Variants in FGF23 observed in about 807,000 individuals in gnomAD.
The protein encoded by FGF23 is fibroblast growth factor 23, also known as phosphatonin.
Under a neutral mutation model 9.0 loss-of-function variants are expected in FGF23, and 8 were observed. The observed-to-expected ratio is 0.89, with a 90% CI of 0.52 to 1.60. The LOEUF is 1.60. FGF23 is among the 40% of genes most tolerant of loss of function. The probability of loss-of-function intolerance (pLI) is 0.00; values close to 1 mark genes in which losing one functional copy is unlikely to be tolerated. For missense variants in FGF23, 311 were observed against 344.3 expected (o/e 0.90, Z 0.77); for synonymous variants, 118 against 146.2 (o/e 0.81, Z 1.39).
In FGF23 at chr12:4,368,333, A is replaced by G. The variant is rs2120725140; in HGVS notation, c.*2010T>C. 5.6e-6 allele frequency: 1 copy of G among 178,656 alleles called. No homozygotes were observed. The highest frequency in any genetic ancestry group is 9.4e-5 in the East Asian group (1 of 10,616). The allele number at this position is 178,656 out of a possible 1,614,324, so 11.1% of individuals were successfully genotyped here. On this transcript the variant is annotated 3_prime_UTR_variant, in exon 3 of 3. Transcript: ENST00000237837. Reference sequence around the variant, plus strand: ...AATCTTTGAAAATTTTAAAATTCTAAAATCTTTTTTTCAATTTTGCCTTCT... The same window carrying G: ...AATCTTTGAAAATTTTAAAATTCTAGAATCTTTTTTTCAATTTTGCCTTCT...
Position 4,370,508 on chromosome 12 carries a change from G to T in FGF23, c.591C>A (p.Ala197=). The T allele has an allele frequency of 6.2e-7, 1 of 1,611,702 alleles. No homozygotes were observed. Among genetic ancestry groups the T allele is most frequent in the Non-Finnish European group, 8.5e-7 (1 of 1,178,326 alleles). ...AGGAGGCCGGGGCCGGGGTCATCCG[G>T]GCCCGGGGCTTCAGCACGTTCAGGG... ...RDPLNVLKPR[A]RMTPAPASCS... is the part of the protein sequence containing the mutation. The change falls in exon 3 of 3, where the codon GCC becomes GCA. Residue 197 remains alanine (A), a synonymous_variant. Coordinates refer to ENST00000237837, the MANE Select transcript of FGF23 (RefSeq NM_020638.3).
At position 4,368,571 on chromosome 12, in the gene FGF23, C is replaced by T. The variant is rs13312800; in HGVS notation, c.*1772G>A. On this transcript the variant is annotated 3_prime_UTR_variant, in exon 3 of 3. Transcript: ENST00000237837. ...CTTCCAAATAAATAAATAAATACTG[C>T]CACATGACGAGGGATATAAGAAATT... The T allele has an allele frequency of 3.2e-3, 606 of 190,838 alleles. 1 individual carries two copies. Among genetic ancestry groups the T allele is most frequent in the Middle Eastern group, 5.6e-3 (3 of 536 alleles). The allele number at this position is 190,838 out of a possible 1,614,324, so 11.8% of individuals were successfully genotyped here.
In FGF23 at chr12:4,370,530, A is replaced by AG. The variant is rs1281792205; in HGVS notation, c.568dup (p.Leu190ProfsTer33). 6.2e-7 allele frequency: 1 copy of AG among 1,612,628 alleles called. No homozygotes were observed. The highest frequency in any genetic ancestry group is 8.5e-7 in the Non-Finnish European group (1 of 1,179,084). The stretch of plus-strand genomic sequence containing the variant: ...CCGGGCCCGGGGCTTCAGCACGTTC[A>AG]GGGGGTCCCGCTCCGAGTCGTCCTC... On this transcript the variant is annotated frameshift_variant, in exon 3 of 3. Coordinates refer to ENST00000237837, the MANE Select transcript of FGF23 (RefSeq NM_020638.3). LOFTEE classifies it low-confidence loss of function (END_TRUNC).
chr12:4,369,811 C>T lies in FGF23; in HGVS notation c.*532G>A, dbSNP rs1473118116. On this transcript the variant is annotated 3_prime_UTR_variant, in exon 3 of 3. Coordinates refer to ENST00000237837, the MANE Select transcript of FGF23 (RefSeq NM_020638.3). ...GAAGGCTTGAAAGTAGTGTTTTCAT[C>T]AACTTGCCCCATTCAGCTGTTAATG... is the stretch of plus-strand genomic sequence containing the variant. 1.3e-5 allele frequency: 3 copies of T among 230,306 alleles called. No individual in the cohort carries two copies. The highest frequency in any genetic ancestry group is 2.2e-5 in the African/African-American group (1 of 45,116). 14.3% of individuals were successfully genotyped at this position (230,306 alleles called of 1,614,324 possible).
chr12:4,379,213 A>G (rs910486135), intron 1 of FGF23, among the ~76,000 whole-genome samples, 159 bp downstream of exon 1: 19 of 151,028 alleles, frequency 1.3e-4, no homozygotes, highest in Non-Finnish European at 1.5e-5. Flanking sequence ...ACACACACAC[A>G]CACACAAACA....
Position 4,379,525 on chromosome 12 carries a change from T to C in FGF23, c.58A>G (p.Ser20Gly), listed in dbSNP as rs1865155595. Residue 20 changes from serine to glycine, a missense_variant, in exon 1 of 3, where the codon AGC (serine) becomes GGC (glycine). By Grantham distance (56) the Ser-to-Gly change is moderately conservative (BLOSUM62 0). This residue lies in a region of FGF23 where 102 missense variants were observed against 108.2 expected (regional missense o/e 0.94). Coordinates refer to ENST00000237837, the MANE Select transcript of FGF23 (RefSeq NM_020638.3). ...GCATTGGGATAGGCTCTGAGGACGC[T>C]CATGCTGCAGACGCTGCACAAGGCA... Reference protein sequence around the residue: ...VCALCSVCSMSVLRAYPNASP... With the variant: ...VCALCSVCSMGVLRAYPNASP... 6.2e-7 allele frequency: 1 copy of C among 1,612,464 alleles called. No homozygotes were observed. The highest frequency in any genetic ancestry group is 8.5e-7 in the Non-Finnish European group (1 of 1,179,994).
intron 1 of FGF23, among the ~76,000 whole-genome samples, chr12:4,374,036 T>C (rs937737116): frequency 2.6e-5 from 4 of 152,056 alleles, no homozygotes; most frequent in Admixed American, 1.3e-4. Context: ...ACAAGGACCT[T>C]TGAGGAAAAT....
At chr12:4,374,366 T>A (rs1865094902) in intron 1 of FGF23, among the ~76,000 whole-genome samples, 1 of 152,094 alleles carries the variant, frequency 6.6e-6, no homozygotes, top group Non-Finnish European at 1.5e-5. Context: ...AGAAATGGTT[T>A]CGACTGGGTG....
rs1865138921 is a variant in FGF23 at position 4,378,174 on chromosome 12, T to G, written c.211+1198A>C. On this transcript the variant is annotated intron_variant, in intron 1 of 2. Transcript: ENST00000237837. The stretch of plus-strand genomic sequence containing the variant: ...ATGTTATATATCTTGCAACTTAATT[T>G]TGCATGTTGTATATCTTGCAACCAG... Among the ~76,000 whole-genome samples, 7 of 152,190 alleles carry G rather than the reference T, an allele frequency of 4.6e-5. No individual in the cohort carries two copies. The South Asian group carries it at 1.4e-3, about 32-fold the overall frequency.
At chr12:4,377,420 G>GTTTTTT (rs1865128517) in intron 1 of FGF23, among the ~76,000 whole-genome samples, 1 of 96,874 alleles carries the variant, frequency 1.0e-5, no homozygotes. Context: ...ATCACATATA[G>GTTTTTT]TCTTTTTTTT....
rs942543525 is a variant in FGF23 at position 4,368,410 on chromosome 12, G to A, written c.*1933C>T. 1.9e-4 allele frequency: 34 copies of A among 180,790 alleles called. No homozygotes were observed. The highest frequency in any genetic ancestry group is 1.3e-3 in the Admixed American group (20 of 15,894). The allele number at this position is 180,790 out of a possible 1,614,324, so 11.2% of individuals were successfully genotyped here. A position where few individuals can be genotyped will look rare whatever the true frequency, so the allele number is the denominator to read the frequency against. On this transcript the variant is annotated 3_prime_UTR_variant, in exon 3 of 3. Transcript: ENST00000237837. ...ATAATCCTTTTTATTCTTATATTCC[G>A]ACATGCTTTTAAGTAGTACTACAAA...
chr12:4,376,283 ACCCAAAGATGGGTTGTGCACT>A (rs1417603991), intron 1 of FGF23, among the ~76,000 whole-genome samples: 2 of 152,122 alleles, frequency 1.3e-5, no homozygotes, highest in African/African-American at 4.8e-5. Flanking sequence ...AAGTCCAGTG[ACCCAAAGATGGGTTGTGCACT>A]CAACTCTTAA....
rs533026808 is a variant in FGF23 at position 4,370,494 on chromosome 12, G to T, written c.605C>A (p.Ala202Asp). Residue 202 changes from alanine (A) to aspartate (D), a missense_variant, in exon 3 of 3, where the codon GCC becomes GAC. By Grantham distance (126) the Ala-to-Asp change is moderately radical. Around this residue, in one of 3 missense-constraint regions of FGF23, gnomAD observed 206 missense variants for 219.2 expected, o/e 0.94. Transcript: ENST00000237837. ...VLKPRARMTP[A>D]PASCSQELPS... ...GAGCTCCTGTGAACAGGAGGCCGGG[G>T]CCGGGGTCATCCGGGCCCGGGGCTT... The T allele has an allele frequency of 1.9e-6, 3 of 1,611,766 alleles. No homozygotes were observed. Among genetic ancestry groups the T allele is most frequent in the East Asian group, 4.5e-5 (2 of 44,804 alleles).
In FGF23 at chr12:4,372,630, G is replaced by A. The variant is rs1865076273; in HGVS notation, c.279C>T (p.Tyr93=). ...VVITGVMSRR[Y]LCMDFRGNIF... ...TGTTGCCTCTGAAATCCATGCAGAG[G>A]TATCTTCTGCTCATCACACCTGTAA... Residue 93 remains tyrosine (Y), a synonymous_variant, in exon 2 of 3, where the codon TAC becomes TAT. Coordinates refer to ENST00000237837, the MANE Select transcript of FGF23 (RefSeq NM_020638.3). 1.2e-6 allele frequency: 2 copies of A among 1,613,010 alleles called. No individual in the cohort carries two copies. Among genetic ancestry groups the A allele is most frequent in the South Asian group, 2.2e-5 (2 of 91,070 alleles).
At chr12:4,377,462 G>T (rs1399824428) in intron 1 of FGF23, among the ~76,000 whole-genome samples, 1 of 105,306 alleles carries the variant, frequency 9.5e-6, no homozygotes, top group Non-Finnish European at 1.7e-5. Context: ...ATGGAGTCTC[G>T]CTCTGTCACC....
chr12:4,376,581 G>A (rs749348956), intron 1 of FGF23, among the ~76,000 whole-genome samples: 8 of 152,014 alleles, frequency 5.3e-5, no homozygotes, highest in Non-Finnish European at 7.4e-5. Flanking sequence ...GAGCACAGTG[G>A]TGCGATCTCA....
In FGF23 at chr12:4,369,991, T is replaced by C; in HGVS notation, c.*352A>G. The C allele has an allele frequency of 4.6e-6, 1 of 219,330 alleles. No individual in the cohort carries two copies. Among genetic ancestry groups the C allele is most frequent in the Non-Finnish European group, 8.9e-6 (1 of 111,956 alleles). 13.6% of individuals were successfully genotyped at this position (219,330 alleles called of 1,614,324 possible). On this transcript the variant is annotated 3_prime_UTR_variant, in exon 3 of 3. Coordinates refer to ENST00000237837, the MANE Select transcript of FGF23 (RefSeq NM_020638.3). Reference sequence around the variant, plus strand: ...ACTGCTTTTTTTTTTTTTTTTTTTTTTTTTTTTTTTTATGCTTAAAAGTGA... The same window carrying C: ...ACTGCTTTTTTTTTTTTTTTTTTTTCTTTTTTTTTTTATGCTTAAAAGTGA...
chr12:4,372,534 G>A (rs1403047093), intron 2 of FGF23, 60 bp downstream of exon 2: 15 of 1,038,688 alleles, frequency 1.4e-5, no homozygotes, highest in Admixed American at 5.1e-5. Context: ...AGTCTATGTC[G>A]TGTCAAAGAA....
chr12:4,376,159 G>A (rs1421886893), intron 1 of FGF23, among the ~76,000 whole-genome samples: 1 of 152,170 alleles, frequency 6.6e-6, no homozygotes, highest in African/African-American at 2.4e-5. Flanking sequence ...GTCAGAGGAT[G>A]GCCTTGTTCA....
Sources: allele counts gnomAD v4.1 joint callset (sites outside exome capture counted in the v4.1 genomes callset), GRCh38; gene constraint gnomAD v4.1.1; regional missense constraint gnomAD v4.1.1; transcripts MANE v1.5; gene names NCBI Gene and HGNC (gene_info 2026-07-23, HGNC 2026-07-21).